MCPH1: variants seen among roughly 807,000 people sequenced by gnomAD.
MCPH1 encodes the protein microcephalin 1, also known as microcephalin.
Under a neutral mutation model 84.5 loss-of-function variants are expected in MCPH1, and 104 were observed. The ratio of observed to expected loss-of-function variants is 1.23; its 90% CI spans 1.05 to 1.45. The LOEUF (loss-of-function observed/expected upper bound fraction) is 1.45, where lower values mean the gene tolerates loss of function less well. MCPH1 is among the 40% of genes most tolerant of loss of function. MCPH1 has a pLI of 0.00. For missense variants in MCPH1, 1,498 were observed against 1,005.7 expected (o/e 1.49, Z -6.62); for synonymous variants, 514 against 366.8 (o/e 1.40, Z -4.58).
intron 12 of MCPH1, among the ~76,000 whole-genome samples, chr8:6,570,079 T>A (rs1413114132): frequency 1.3e-5 from 2 of 152,272 alleles, no homozygotes; most frequent in African/African-American, 4.8e-5. Flanking sequence ...TTAATCTTAC[T>A]ATGTGCATTC....
At chr8:6,640,476 C>T (rs1157043183) in intron 13 of MCPH1, among the ~76,000 whole-genome samples, 2 of 152,118 alleles carry the variant, frequency 1.3e-5, no homozygotes, top group Non-Finnish European at 1.5e-5. Context: ...GTCTGAATAT[C>T]TTAGATAGGA....
Position 6,445,420 on chromosome 8 carries a change from C to T in MCPH1, c.1698C>T (p.Thr566=). ...TGAAAAGCACACAGAACAAAGGTAC[C>T]ACTTCCAAAATATCAAACTCCTCTG... ...VGLKSTQNKG[T]TSKISNSSEG... is the part of the protein sequence containing the mutation. The change falls in exon 8 of 14, where the codon ACC becomes ACT. Residue 566 remains threonine (T), a synonymous_variant. Coordinates refer to ENST00000344683, the MANE Select transcript of MCPH1 (RefSeq NM_024596.5). 2.5e-6 allele frequency: 4 copies of T among 1,614,188 alleles called. No homozygotes were observed. Among genetic ancestry groups the T allele is most frequent in the Non-Finnish European group, 2.5e-6 (3 of 1,180,048 alleles).
At position 6,477,695 on chromosome 8, in the gene MCPH1, T is replaced by A. The variant is rs555699837; in HGVS notation, c.1973+64T>A. On this transcript the variant is annotated intron_variant, in intron 10 of 13. Transcript: ENST00000344683. ...TAACCTTTTCTCTCTTATACTCTAA[T>A]TCTGGGTGCCTTTAGGCAACTTGTC... 1.3e-5 allele frequency: 18 copies of A among 1,400,416 alleles called. No individual in the cohort carries two copies. In the East Asian group the frequency reaches 4.1e-4, roughly 32 times the overall value. The allele number at this position is 1,400,416 out of a possible 1,614,324, so 86.7% of individuals were successfully genotyped here. A position where few individuals can be genotyped will look rare whatever the true frequency, so the allele number is the denominator to read the frequency against.
In MCPH1 at chr8:6,648,106, C is replaced by G; in HGVS notation, c.*5057C>G. The stretch of plus-strand genomic sequence containing the variant: ...TTGGCTTTCAAGTTAAGGCCATGGT[C>G]TTTCTCTGCAGTCCCCAGCCAATAC... On this transcript the variant is annotated 3_prime_UTR_variant, in exon 14 of 14. Coordinates refer to ENST00000344683, the MANE Select transcript of MCPH1 (RefSeq NM_024596.5). 6.6e-6 allele frequency: 1 copy of G among 152,176 alleles called. No individual in the cohort carries two copies. Among genetic ancestry groups the G allele is most frequent in the East Asian group, 1.9e-4 (1 of 5,192 alleles). 9.4% of individuals were successfully genotyped at this position (152,176 alleles called of 1,614,324 possible). A position where few individuals can be genotyped will look rare whatever the true frequency, so the allele number is the denominator to read the frequency against.
At chr8:6,413,447 T>G (rs1798816759) in intron 2 of MCPH1, among the ~76,000 whole-genome samples, 1 of 151,508 alleles carries the variant, frequency 6.6e-6, no homozygotes, top group Non-Finnish European at 1.5e-5. Context: ...ATCCTTTAGT[T>G]TGAGAAACTT....
chr8:6,522,666 C>G (rs1048937420), intron 12 of MCPH1, among the ~76,000 whole-genome samples: 3 of 151,480 alleles, frequency 2.0e-5, no homozygotes, highest in Non-Finnish European at 4.4e-5. Context: ...CCCAGCTACT[C>G]AGGAGGCTGA....
chr8:6,482,073 C>T (rs1038585399), intron 11 of MCPH1, among the ~76,000 whole-genome samples: 3 of 152,132 alleles, frequency 2.0e-5, no homozygotes, highest in African/African-American at 4.8e-5. Flanking sequence ...ACTTAGTAGC[C>T]ATCTTGGTTA....
At chr8:6,460,793 G>T (rs764623057) in intron 9 of MCPH1, among the ~76,000 whole-genome samples, 10 of 151,982 alleles carry the variant, frequency 6.6e-5, no homozygotes, top group Non-Finnish European at 1.2e-4. Flanking sequence ...TTCTGACTCT[G>T]GTTCACCTCC....
intron 9 of MCPH1, among the ~76,000 whole-genome samples, chr8:6,458,566 G>T (rs760357109): frequency 1.2e-4 from 18 of 152,004 alleles, no homozygotes; most frequent in Non-Finnish European, 2.6e-4. Flanking sequence ...CAATATAGAT[G>T]AAGGACGTGT....
chr8:6,617,900 A>AATCTATCTATCTATCTATC (rs1830995090), intron 12 of MCPH1, among the ~76,000 whole-genome samples: 1 of 143,014 alleles, frequency 7.0e-6, no homozygotes. Context: ...CTATCTATCT[A>AATCTATCTATCTATCTATC]ATCTATCTAT....
intron 12 of MCPH1, among the ~76,000 whole-genome samples, chr8:6,547,768 A>G (rs542414583): frequency 1.3e-5 from 2 of 152,292 alleles, no homozygotes; most frequent in South Asian, 2.1e-4. Flanking sequence ...GGTGGGAACA[A>G]AAGCTCCCAT....
intron 9 of MCPH1, among the ~76,000 whole-genome samples, chr8:6,476,906 G>A (rs1465605483): frequency 1.3e-5 from 2 of 152,156 alleles, no homozygotes; most frequent in Non-Finnish European, 2.9e-5. Context: ...ACATTTGGCT[G>A]AATATACTGC....
chr8:6,497,647 G>A (rs769011967), intron 11 of MCPH1, among the ~76,000 whole-genome samples: 9 of 152,156 alleles, frequency 5.9e-5, no homozygotes, highest in African/African-American at 9.7e-5. Context: ...GTGTGAACAC[G>A]GGATGACTGG....
At chr8:6,552,290 G>A (rs1247656432) in intron 12 of MCPH1, among the ~76,000 whole-genome samples, 6 of 152,212 alleles carry the variant, frequency 3.9e-5, no homozygotes, top group Admixed American at 3.9e-4. Flanking sequence ...AATTACATAT[G>A]ACGATGGAAT....
At chr8:6,635,955 C>A (rs892560298) in intron 13 of MCPH1, among the ~76,000 whole-genome samples, 2 of 152,224 alleles carry the variant, frequency 1.3e-5, no homozygotes, top group Non-Finnish European at 2.9e-5. Context: ...CGTAAGTCTT[C>A]ACTGTGTTAA....
intron 13 of MCPH1, chr8:6,626,826 C>T (rs931810809): frequency 4.5e-5 from 44 of 985,108 alleles, no homozygotes; most frequent in African/African-American, 3.5e-5. Context: ...GTGCACTCTT[C>T]CCTCCCTGCT....
intron 9 of MCPH1, 51 bp from the exon 10 acceptor site, chr8:6,477,543 A>G: frequency 6.5e-7 from 1 of 1,539,936 alleles, no homozygotes; most frequent in Non-Finnish European, 9.0e-7. Flanking sequence ...TGGGAAAAAT[A>G]TTTTTTATGT....
intron 12 of MCPH1, among the ~76,000 whole-genome samples, chr8:6,578,526 A>G (rs1827297181): frequency 6.6e-6 from 1 of 152,240 alleles, no homozygotes; most frequent in Admixed American, 6.5e-5. Context: ...CATTTTCTAA[A>G]CATAACCAAA....
chr8:6,610,727 G>C (rs1452027688), intron 12 of MCPH1, among the ~76,000 whole-genome samples: 1 of 151,846 alleles, frequency 6.6e-6, no homozygotes, highest in African/African-American at 2.4e-5. Flanking sequence ...TACTTTCCCA[G>C]AGCCTGGGGG....
Sources: gnomAD v4.1 joint callset for allele counts (sites outside exome capture counted in the v4.1 genomes callset) on GRCh38, gnomAD v4.1.1 for gene constraint, MANE v1.5 for transcripts, NCBI Gene and HGNC (gene_info 2026-07-23, HGNC 2026-07-21) for gene names.